PAQR8: variants seen among roughly 807,000 people sequenced by gnomAD.
The protein encoded by PAQR8 is membrane progestin receptor beta.
A neutral mutation model predicts 25.2 loss-of-function variants in PAQR8; 17 were observed. The observed-to-expected ratio is 0.67, with a 90% CI of 0.46 to 1.01. The LOEUF is 1.01. Ranked by LOEUF, PAQR8 falls within the 50% of genes least tolerant of loss-of-function variation. The pLI, the probability that PAQR8 is intolerant of heterozygous loss-of-function variation, is 0.00. For missense variants in PAQR8, 392 were observed against 448.4 expected (o/e 0.87, Z 1.14); for synonymous variants, 204 against 190.6 (o/e 1.07, Z -0.58).
At chr6:52,374,738 T>G (rs1763462963) in intron 1 of PAQR8, among the ~76,000 whole-genome samples, 1 of 152,036 alleles carries the variant, frequency 6.6e-6, no homozygotes, top group South Asian at 2.1e-4. Context: ...TTCTTCCCCC[T>G]TACCTGTCCT....
At chr6:52,370,072 G>C (rs1463633059) in intron 1 of PAQR8, among the ~76,000 whole-genome samples, 18 of 146,704 alleles carry the variant, frequency 1.2e-4, no homozygotes, top group Admixed American at 1.2e-3. Context: ...TGGATTGCAT[G>C]GGTTTTTTTT....
chr6:52,371,044 T>C (rs1227142265), intron 1 of PAQR8, among the ~76,000 whole-genome samples: 1 of 152,190 alleles, frequency 6.6e-6, no homozygotes, highest in Admixed American at 6.5e-5. Flanking sequence ...ACAAGGTCCC[T>C]GCCTTCATGC....
At chr6:52,381,742 T>G (rs1371340588) in intron 1 of PAQR8, among the ~76,000 whole-genome samples, 5 of 152,238 alleles carry the variant, frequency 3.3e-5, no homozygotes, top group Non-Finnish European at 7.3e-5. Context: ...ATGTAATATT[T>G]TGGGTGATTT....
At chr6:52,401,196 A>G (rs965995808) in intron 1 of PAQR8, among the ~76,000 whole-genome samples, 1 of 152,114 alleles carries the variant, frequency 6.6e-6, no homozygotes, top group Admixed American at 6.5e-5. Context: ...TTCTCTTCCA[A>G]TATTGATTGA....
At chr6:52,398,947 A>G (rs943716044) in intron 1 of PAQR8, among the ~76,000 whole-genome samples, 4 of 151,828 alleles carry the variant, frequency 2.6e-5, no homozygotes, top group African/African-American at 4.9e-5. Context: ...GTTAGAGCCT[A>G]TGGTGGTTGT....
At chr6:52,400,253 G>C (rs1053036062) in intron 1 of PAQR8, among the ~76,000 whole-genome samples, 1 of 152,144 alleles carries the variant, frequency 6.6e-6, no homozygotes, top group Non-Finnish European at 1.5e-5. Context: ...CATAGAAATA[G>C]GTTCAAGGTA....
intron 1 of PAQR8, among the ~76,000 whole-genome samples, chr6:52,364,435 T>C (rs1763330208): frequency 6.6e-6 from 1 of 152,242 alleles, no homozygotes; most frequent in Non-Finnish European, 1.5e-5. Flanking sequence ...TAACACTTGC[T>C]GATGCTTCCA....
intron 1 of PAQR8, among the ~76,000 whole-genome samples, chr6:52,397,905 C>A (rs946256108): frequency 6.6e-6 from 1 of 152,112 alleles, no homozygotes; most frequent in Non-Finnish European, 1.5e-5. Flanking sequence ...TGGTTTCCTC[C>A]AAAACGGGCT....
intron 1 of PAQR8, among the ~76,000 whole-genome samples, chr6:52,369,416 AG>A (rs1259429278): frequency 1.3e-5 from 2 of 152,224 alleles, no homozygotes; most frequent in African/African-American, 2.4e-5. Flanking sequence ...GCAAAGAAGA[AG>A]AAAAAAATCT....
chr6:52,382,538 A>G (rs372325947), intron 1 of PAQR8, among the ~76,000 whole-genome samples: 2 of 152,242 alleles, frequency 1.3e-5, no homozygotes, highest in Non-Finnish European at 2.9e-5. Flanking sequence ...AATAGCAACT[A>G]ATGTGGAAAA....
Position 52,380,362 on chromosome 6 carries a change from A to G in PAQR8, c.-53+18113A>G, listed in dbSNP as rs376326285. 3.2e-4 allele frequency among the ~76,000 whole-genome samples: 49 copies of G among 152,362 alleles called. No homozygotes were observed. In the East Asian group the frequency reaches 8.7e-3, roughly 27 times the overall value. ...TAATCAAGCTGTGTATATCTTTTAA[A>G]GTACATATTCGTGGGCAGCTGTGGA... On this transcript the variant is annotated intron_variant, in intron 1 of 1. Coordinates refer to ENST00000442253, the MANE Select transcript of PAQR8 (RefSeq NM_133367.5).
rs1367359828 is a variant in PAQR8 at position 52,404,080 on chromosome 6, G to A, written c.867G>A (p.Leu289=). 1.2e-6 allele frequency: 2 copies of A among 1,614,224 alleles called. No homozygotes were observed. Among genetic ancestry groups the A allele is most frequent in the South Asian group, 2.2e-5 (2 of 91,082 alleles). ...GGCATCAGATCTTCCATGCATTTCT[G>A]TCCATCTGTACGCTCTCCCAGCTGG... The part of the protein sequence containing the change: ...GHGHQIFHAF[L]SICTLSQLEA... The change falls in exon 2 of 2, where the codon CTG becomes CTA. Residue 289 remains leucine, a synonymous_variant. Coordinates refer to ENST00000442253, the MANE Select transcript of PAQR8 (RefSeq NM_133367.5).
intron 1 of PAQR8, among the ~76,000 whole-genome samples, chr6:52,379,625 T>C (rs1562429222): frequency 1.5e-5 from 2 of 132,532 alleles, no homozygotes; most frequent in African/African-American, 5.6e-5. Context: ...CTTTCTTTTT[T>C]TTTTTTTTTT....
At position 52,363,771 on chromosome 6, in the gene PAQR8, T is replaced by A. The variant is rs535509915; in HGVS notation, c.-53+1522T>A. On this transcript the variant is annotated intron_variant, in intron 1 of 1. Transcript: ENST00000442253. ...CCACAACGTGTACCCAGCCCTGAGCTGCTGCACCCTTGACCAGGTCAACTG... is the reference window on the plus strand; with the variant it reads ...CCACAACGTGTACCCAGCCCTGAGCAGCTGCACCCTTGACCAGGTCAACTG... Among the ~76,000 whole-genome samples the A allele has an allele frequency of 1.2e-4, 18 of 152,284 alleles. No homozygotes were observed. In the East Asian group the frequency reaches 2.5e-3, roughly 21 times the overall value.
At chr6:52,394,909 T>C (rs1763749179) in intron 1 of PAQR8, among the ~76,000 whole-genome samples, 1 of 151,970 alleles carries the variant, frequency 6.6e-6, no homozygotes, top group South Asian at 2.1e-4. Context: ...CTTGGGATTT[T>C]TACCCCATTT....
intron 1 of PAQR8, among the ~76,000 whole-genome samples, chr6:52,366,707 T>C (rs573056519): frequency 6.6e-6 from 1 of 152,084 alleles, no homozygotes; most frequent in Non-Finnish European, 1.5e-5. Flanking sequence ...TATGTACTTG[T>C]AAAGGACCAG....
rs1763867485 is a variant in PAQR8 at position 52,403,589 on chromosome 6, AGCCTTCT to A, written c.378_384del (p.Ser126ArgfsTer24). On this transcript the variant is annotated frameshift_variant, in exon 2 of 2. Transcript: ENST00000442253. LOFTEE classifies it high-confidence loss of function. ...GTCGTCAATCACTTACCTCACCTGC[AGCCTTCT>A]GGCCCACCTGCTGCAGTCCAAGTCA... 6.2e-7 allele frequency: 1 copy of A among 1,613,998 alleles called. No individual in the cohort carries two copies. The highest frequency in any genetic ancestry group is 8.5e-7 in the Non-Finnish European group (1 of 1,180,056).
intron 1 of PAQR8, among the ~76,000 whole-genome samples, chr6:52,376,645 A>C (rs139670471): frequency 6.6e-6 from 1 of 152,358 alleles, no homozygotes; most frequent in East Asian, 1.9e-4. Context: ...TAAGATTTAG[A>C]GCTTACCCCC....
intron 1 of PAQR8, among the ~76,000 whole-genome samples, chr6:52,384,522 G>A (rs546316409): frequency 1.8e-4 from 24 of 136,690 alleles, no homozygotes; most frequent in Non-Finnish European, 9.8e-5. Flanking sequence ...AGAGACTAGA[G>A]GTTATGAGAC....
Sources: allele counts gnomAD v4.1 joint callset (sites outside exome capture counted in the v4.1 genomes callset), GRCh38; gene constraint gnomAD v4.1.1; transcripts MANE v1.5; gene names NCBI Gene and HGNC (gene_info 2026-07-23, HGNC 2026-07-21).